ST7: variants seen among roughly 807,000 people sequenced by gnomAD.
The protein encoded by ST7 is suppressor of tumorigenicity 7 protein.
A neutral mutation model predicts 78.7 loss-of-function variants in ST7; 28 were observed. The observed-to-expected ratio is 0.36, with a 90% CI of 0.26 to 0.49. ST7 has a LOEUF of 0.49. Ranked by LOEUF, ST7 falls within the 20% of genes least tolerant of loss-of-function variation. The pLI is 0.99. For missense variants in ST7, 418 were observed against 696.0 expected (o/e 0.60, Z 4.49); for synonymous variants, 247 against 249.6 (o/e 0.99, Z 0.10).
chr7:117,142,018 A>T (rs1805352810), intron 9 of ST7, among the ~76,000 whole-genome samples: 2 of 152,050 alleles, frequency 1.3e-5, no homozygotes, highest in Non-Finnish European at 2.9e-5. Flanking sequence ...AAAAAGTTGC[A>T]TTTTCTGCTT....
At chr7:117,107,635 A>G (rs1802084515) in intron 2 of ST7, among the ~76,000 whole-genome samples, 1 of 119,464 alleles carries the variant, frequency 8.4e-6, no homozygotes. Flanking sequence ...TTTTTGAGAC[A>G]GAATTTTCAC....
intron 9 of ST7, among the ~76,000 whole-genome samples, chr7:117,142,947 C>T (rs1034055156): frequency 6.6e-6 from 1 of 152,136 alleles, no homozygotes; most frequent in African/African-American, 2.4e-5. Flanking sequence ...TGTTAGGAGT[C>T]TGGGCTTCCC....
chr7:117,191,002 G>A, intron 12 of ST7, 66 bp downstream of exon 12: 1 of 1,291,500 alleles, frequency 7.7e-7, no homozygotes, highest in Non-Finnish European at 1.1e-6. Flanking sequence ...TGACCACAGT[G>A]TTGTATCTCA....
chr7:117,060,918 A>G (rs1361252104), intron 1 of ST7, among the ~76,000 whole-genome samples: 1 of 152,180 alleles, frequency 6.6e-6, no homozygotes. Flanking sequence ...AGGCAGGACA[A>G]TCGCTTGAAC....
intron 15 of ST7, 78 bp from the exon 16 acceptor site, chr7:117,229,684 A>C: frequency 8.6e-7 from 1 of 1,164,778 alleles, no homozygotes; most frequent in East Asian, 2.3e-5. Flanking sequence ...TTAAGCTGCA[A>C]GCGTGGGTGG....
At chr7:117,178,573 A>G (rs944550969) in intron 10 of ST7, among the ~76,000 whole-genome samples, 8 of 152,212 alleles carry the variant, frequency 5.3e-5, no homozygotes, top group African/African-American at 1.7e-4. Flanking sequence ...TGGGATTTAT[A>G]TATCTACTTG....
intron 12 of ST7, among the ~76,000 whole-genome samples, chr7:117,206,101 T>A (rs1190849048): frequency 2.0e-5 from 3 of 152,232 alleles, no homozygotes; most frequent in Non-Finnish European, 2.9e-5. Flanking sequence ...AACACATTGT[T>A]GTTATTAGCC....
intron 1 of ST7, among the ~76,000 whole-genome samples, chr7:116,998,425 C>T (rs1457402110): frequency 6.6e-6 from 1 of 152,208 alleles, no homozygotes; most frequent in Non-Finnish European, 1.5e-5. Flanking sequence ...CGGCCTCGGC[C>T]AGCCCTGAGA....
intron 1 of ST7, chr7:116,972,261 A>T (rs1793464520): frequency 9.7e-5 from 53 of 548,130 alleles, no homozygotes; most frequent in South Asian, 8.5e-4. Flanking sequence ...CCAGGTCTTC[A>T]ATTGTATTTT....
At chr7:117,169,553 T>TCATCCTCATCCACAC (rs1807826656) in intron 9 of ST7, among the ~76,000 whole-genome samples, 1 of 152,156 alleles carries the variant, frequency 6.6e-6, no homozygotes. Context: ...GGGCCTCTCT[T>TCATCCTCATCCACAC]CATCCTCATC....
chr7:117,062,641 A>T (rs969172547), intron 1 of ST7, among the ~76,000 whole-genome samples: 1 of 152,198 alleles, frequency 6.6e-6, no homozygotes, highest in South Asian at 2.1e-4. Flanking sequence ...TTTTTCTAAG[A>T]TACAATAAAT....
At chr7:117,021,296 C>T (rs1795901106) in intron 1 of ST7, among the ~76,000 whole-genome samples, 2 of 152,092 alleles carry the variant, frequency 1.3e-5, no homozygotes, top group African/African-American at 4.8e-5. Flanking sequence ...TAGACAGCTA[C>T]AATGGATATT....
chr7:117,020,294 C>T, intron 1 of ST7: 1 of 399,556 alleles, frequency 2.5e-6, no homozygotes, highest in Non-Finnish European at 4.5e-6. Flanking sequence ...CTGCTGCTAC[C>T]TAGTCCAGCC....
intron 9 of ST7, among the ~76,000 whole-genome samples, chr7:117,155,206 A>C (rs1806593091): frequency 1.3e-5 from 2 of 152,144 alleles, no homozygotes; most frequent in Non-Finnish European, 2.9e-5. Context: ...ATCTGGTCAG[A>C]GGAAGAACTA....
rs1380317428 is a variant in ST7, at chr7:116,998,924, A to AGG, written c.151+45233_151+45234insGG. ...TATCTCTCTGCACTATCAGGGGAAG[A>AGG]ATGTTTCAGGCAGAAGGAACAGTAA... On this transcript the variant is annotated intron_variant, in intron 1 of 15. Transcript: ENST00000323984. 2.0e-5 allele frequency among the ~76,000 whole-genome samples: 3 copies of AGG among 152,344 alleles called. No homozygotes were observed. The East Asian group carries it at 5.8e-4, about 29-fold the overall frequency.
chr7:116,972,445 T>G lies in ST7; in HGVS notation c.151+18754T>G, dbSNP rs1793473683. 4.0e-6 allele frequency: 3 copies of G among 756,582 alleles called. No homozygotes were observed. The African/African-American group carries it at 5.2e-5, about 13-fold the overall frequency. The allele number at this position is 756,582 out of a possible 1,614,324, so 46.9% of individuals were successfully genotyped here. A position where few individuals can be genotyped will look rare whatever the true frequency, so the allele number is the denominator to read the frequency against. On this transcript the variant is annotated intron_variant, in intron 1 of 15. Coordinates refer to ENST00000323984, the MANE Select transcript of ST7 (RefSeq NM_001369598.1). ...CATCAGTCTGATCTGCTCATCCATCTCTCGGCAACGGTACTCTGCCAGCTC... is the reference window on the plus strand; with the variant it reads ...CATCAGTCTGATCTGCTCATCCATCGCTCGGCAACGGTACTCTGCCAGCTC...
intron 9 of ST7, among the ~76,000 whole-genome samples, chr7:117,166,584 C>T (rs1393563781): frequency 6.6e-6 from 1 of 151,916 alleles, no homozygotes; most frequent in Non-Finnish European, 1.5e-5. Flanking sequence ...GTGATGGACT[C>T]ACTTGTGTAT....
At position 117,221,779 on chromosome 7, in the gene ST7, A is replaced by G. The variant is rs1223469582; in HGVS notation, c.1499-144A>G. 3 of 912,236 alleles carry G rather than the reference A, an allele frequency of 3.3e-6. No individual in the cohort carries two copies. In the African/African-American group the frequency reaches 5.2e-5, roughly 16 times the overall value. The allele number at this position is 912,236 out of a possible 1,614,324, so 56.5% of individuals were successfully genotyped here. ...CCAAAGGCTGGGTCAGATGTTGGCT[A>G]TGGTTTGTCAGGTGTGCTATTTTTT... On this transcript the variant is annotated intron_variant, in intron 14 of 15. Transcript: ENST00000323984.
At chr7:116,994,201 TTCTC>T (rs1457191652) in intron 1 of ST7, among the ~76,000 whole-genome samples, 2 of 152,304 alleles carry the variant, frequency 1.3e-5, no homozygotes, top group African/African-American at 2.4e-5. Context: ...CCGTTCTACT[TTCTC>T]TCTCTATGAA....
Sources: gnomAD v4.1 joint callset for allele counts (sites outside exome capture counted in the v4.1 genomes callset) on GRCh38, gnomAD v4.1.1 for gene constraint, MANE v1.5 for transcripts, NCBI Gene and HGNC (gene_info 2026-07-23, HGNC 2026-07-21) for gene names.